SYT17: variants seen among roughly 807,000 people sequenced by gnomAD.
The protein encoded by SYT17 is synaptotagmin-17.
SYT17 carries 22 observed loss-of-function variants against 46.7 expected under a neutral mutation model. The observed-to-expected ratio is 0.47, with a 90% CI of 0.34 to 0.67. The LOEUF is 0.67. Ranked by LOEUF, SYT17 falls within the 30% of genes least tolerant of loss-of-function variation. The pLI is 0.01. For missense variants in SYT17, 519 were observed against 612.8 expected (o/e 0.85, Z 1.62); for synonymous variants, 251 against 248.4 (o/e 1.01, Z -0.10).
intron 2 of SYT17, 161 bp downstream of exon 2, chr16:19,172,938 C>T (rs527558227): frequency 3.7e-4 from 334 of 905,978 alleles, no homozygotes; most frequent in Middle Eastern, 1.3e-3. Flanking sequence ...AAGGAGATCC[C>T]GGTTTTGAAA....
chr16:19,172,253 G>C (rs1015150555), intron 1 of SYT17: 2 of 1,013,764 alleles, frequency 2.0e-6, no homozygotes, highest in Admixed American at 8.5e-5. Context: ...TGTGGGTGGT[G>C]ATAGGAAACA....
chr16:19,193,390 A>G (rs1965105129), intron 5 of SYT17, among the ~76,000 whole-genome samples: 1 of 152,244 alleles, frequency 6.6e-6, no homozygotes, highest in African/African-American at 2.4e-5. Flanking sequence ...AAATATGTTT[A>G]GTCAAAAGTG....
chr16:19,191,706 TAATATC>T (rs1241472074), intron 5 of SYT17, among the ~76,000 whole-genome samples: 2 of 152,238 alleles, frequency 1.3e-5, no homozygotes, highest in African/African-American at 4.8e-5. Context: ...ACAGCAGTGT[TAATATC>T]AGTAACTGTT....
At chr16:19,207,878 A>T (rs1272825681) in intron 5 of SYT17, among the ~76,000 whole-genome samples, 1 of 152,094 alleles carries the variant, frequency 6.6e-6, no homozygotes, top group African/African-American at 2.4e-5. Context: ...AGCTTGGGTG[A>T]CACAGTGAGA....
intron 7 of SYT17, among the ~76,000 whole-genome samples, chr16:19,232,220 G>A (rs1485242927): frequency 6.6e-6 from 1 of 151,784 alleles, no homozygotes; most frequent in Non-Finnish European, 1.5e-5. Context: ...ACCAGTGCAG[G>A]ACAGCTATGG....
chr16:19,260,357 A>G (rs1327735776), intron 7 of SYT17, among the ~76,000 whole-genome samples: 3 of 148,860 alleles, frequency 2.0e-5, no homozygotes, highest in African/African-American at 7.4e-5. Flanking sequence ...AAAAAAAAAA[A>G]AAAAAAGCCA....
At chr16:19,234,353 A>G (rs1343535832) in intron 7 of SYT17, among the ~76,000 whole-genome samples, 2 of 152,066 alleles carry the variant, frequency 1.3e-5, no homozygotes, top group Non-Finnish European at 2.9e-5. Flanking sequence ...AAAGAAATTC[A>G]CCATTACCAC....
intron 7 of SYT17, among the ~76,000 whole-genome samples, chr16:19,231,831 C>A (rs920278476): frequency 5.3e-5 from 8 of 152,304 alleles, no homozygotes; most frequent in African/African-American, 1.7e-4. Flanking sequence ...CCTGTGTTCT[C>A]ATGGAGCTTA....
chr16:19,264,026 G>A (rs562880723), intron 7 of SYT17, among the ~76,000 whole-genome samples: 2 of 152,296 alleles, frequency 1.3e-5, no homozygotes, highest in African/African-American at 4.8e-5. Context: ...CCTCATAATT[G>A]GGATTAGTGC....
chr16:19,187,590 A>AGC (rs1964835763), intron 5 of SYT17, among the ~76,000 whole-genome samples: 1 of 152,244 alleles, frequency 6.6e-6, no homozygotes, highest in Non-Finnish European at 1.5e-5. Context: ...CTAGTGAGGC[A>AGC]AGAAGCTCAC....
At chr16:19,172,850 T>C in intron 2 of SYT17, 73 bp downstream of exon 2, 1 of 1,528,142 alleles carries the variant, frequency 6.5e-7, no homozygotes, top group South Asian at 1.1e-5. Context: ...TGGAGTCTTA[T>C]GTGGGGCTGT....
chr16:19,168,471 C>T lies in SYT17; in HGVS notation c.-176C>T. 2 of 825,756 alleles carry T rather than the reference C, an allele frequency of 2.4e-6. No homozygotes were observed. The highest frequency in any genetic ancestry group is 1.7e-5 in the South Asian group (1 of 58,740). The allele number at this position is 825,756 out of a possible 1,614,324, so 51.2% of individuals were successfully genotyped here. A position where few individuals can be genotyped will look rare whatever the true frequency, so the allele number is the denominator to read the frequency against. ...GCCGGAACGCAGGGAAAGGCAAGGA[C>T]GGGGCGGCCGGCGGAGGGGCGGGCG... On this transcript the variant is annotated 5_prime_UTR_variant, in exon 1 of 8. The change creates a new upstream start codon in the 5' untranslated region. Transcript: ENST00000355377. This position sits in a 1 kb window ranked among gnomAD's most constrained non-coding sequence, Gnocchi z 6.9.
intron 7 of SYT17, among the ~76,000 whole-genome samples, chr16:19,264,456 A>C (rs1375279751): frequency 6.6e-6 from 1 of 152,190 alleles, no homozygotes; most frequent in East Asian, 1.9e-4. Context: ...TATGGGATCA[A>C]TTCCTAGAAG....
intron 7 of SYT17, among the ~76,000 whole-genome samples, chr16:19,232,661 T>C (rs910610984): frequency 1.3e-5 from 2 of 151,862 alleles, no homozygotes; most frequent in African/African-American, 4.8e-5. Flanking sequence ...CAAAACCCCA[T>C]CTCTACTAAA....
intron 7 of SYT17, among the ~76,000 whole-genome samples, chr16:19,232,902 T>G (rs1299235987): frequency 6.6e-6 from 1 of 152,142 alleles, no homozygotes; most frequent in East Asian, 1.9e-4. Flanking sequence ...GCACATTGTT[T>G]GACTCCCTAA....
At chr16:19,241,444 C>A (rs1480439221) in intron 7 of SYT17, among the ~76,000 whole-genome samples, 1 of 152,110 alleles carries the variant, frequency 6.6e-6, no homozygotes, top group Non-Finnish European at 1.5e-5. Flanking sequence ...TCCCTCCCTG[C>A]CATTTTGGAA....
intron 7 of SYT17, among the ~76,000 whole-genome samples, chr16:19,228,202 G>T (rs1966561734): frequency 6.6e-6 from 1 of 152,024 alleles, no homozygotes; most frequent in Non-Finnish European, 1.5e-5. Flanking sequence ...AACTACAAGG[G>T]TAGCCACACC....
At chr16:19,175,351 A>G (rs1596886672) in intron 3 of SYT17, among the ~76,000 whole-genome samples, 2 of 152,050 alleles carry the variant, frequency 1.3e-5, no homozygotes, top group East Asian at 3.9e-4. Context: ...AAAGCAACTC[A>G]TTAATCAAGA....
chr16:19,233,207 G>T (rs1222902841), intron 7 of SYT17, among the ~76,000 whole-genome samples: 1 of 152,222 alleles, frequency 6.6e-6, no homozygotes, highest in Middle Eastern at 3.2e-3. Context: ...GCTTTCTGCA[G>T]CTGTAGCATC....
Sources: gnomAD v4.1 joint callset for allele counts (sites outside exome capture counted in the v4.1 genomes callset) on GRCh38, gnomAD v4.1.1 for gene constraint, Gnocchi (gnomAD v3.1) non-coding constraint, MANE v1.5 for transcripts, NCBI Gene and HGNC (gene_info 2026-07-23, HGNC 2026-07-21) for gene names.